Variants in UBE2E2 observed in about 807,000 individuals in gnomAD.
UBE2E2 encodes the protein ubiquitin-conjugating enzyme E2 E2.
Under a neutral mutation model 24.7 loss-of-function variants are expected in UBE2E2, and 6 were observed. The ratio of observed to expected loss-of-function variants is 0.24; its 90% CI spans 0.13 to 0.48. UBE2E2 has a LOEUF of 0.48. Ranked by LOEUF, UBE2E2 falls within the 20% of genes least tolerant of loss-of-function variation. The probability of loss-of-function intolerance (pLI) is 0.99; values close to 1 mark genes in which losing one functional copy is unlikely to be tolerated. For missense variants in UBE2E2, 169 were observed against 245.0 expected (o/e 0.69, Z 2.07); for synonymous variants, 104 against 83.6 (o/e 1.24, Z -1.33).
At chr3:23,559,703 G>C (rs1181732267) in intron 5 of UBE2E2, among the ~76,000 whole-genome samples, 3 of 152,064 alleles carry the variant, frequency 2.0e-5, no homozygotes, top group Admixed American at 1.3e-4. Context: ...TTTTAAGTCT[G>C]GTTAAAATAT....
At chr3:23,241,947 T>A (rs1697270449) in intron 3 of UBE2E2, among the ~76,000 whole-genome samples, 1 of 152,226 alleles carries the variant, frequency 6.6e-6, no homozygotes, top group Admixed American at 6.5e-5. Flanking sequence ...GGTCTTACTT[T>A]CACCCAGGCT....
chr3:23,511,089 A>C (rs193236950), intron 4 of UBE2E2, among the ~76,000 whole-genome samples: 1 of 152,368 alleles, frequency 6.6e-6, no homozygotes, highest in Non-Finnish European at 1.5e-5. Flanking sequence ...TAGAATTTAC[A>C]TTCAAGGTAT....
chr3:23,362,679 T>C (rs1175119258), intron 3 of UBE2E2, among the ~76,000 whole-genome samples: 1 of 152,010 alleles, frequency 6.6e-6, no homozygotes, highest in African/African-American at 2.4e-5. Flanking sequence ...AGTTTCTGGC[T>C]CAGTAGTCCA....
At chr3:23,320,403 ACATAC>A (rs1306945104) in intron 3 of UBE2E2, among the ~76,000 whole-genome samples, 2 of 152,184 alleles carry the variant, frequency 1.3e-5, no homozygotes, top group East Asian at 3.8e-4. Flanking sequence ...GATATAATTC[ACATAC>A]CATACACTTC....
At chr3:23,426,550 C>A (rs1319305535) in intron 3 of UBE2E2, among the ~76,000 whole-genome samples, 1 of 152,064 alleles carries the variant, frequency 6.6e-6, no homozygotes, top group African/African-American at 2.4e-5. Context: ...CCAACATTTC[C>A]TCAGAAACCA....
intron 3 of UBE2E2, among the ~76,000 whole-genome samples, chr3:23,320,696 G>A (rs540044325): frequency 2.0e-5 from 3 of 152,272 alleles, no homozygotes; most frequent in Non-Finnish European, 2.9e-5. Context: ...ATTGTTCCTC[G>A]GAAGCTGCGA....
At chr3:23,406,158 G>T (rs1215526469) in intron 3 of UBE2E2, among the ~76,000 whole-genome samples, 2 of 152,252 alleles carry the variant, frequency 1.3e-5, no homozygotes, top group African/African-American at 4.8e-5. Flanking sequence ...AAAAGACAGT[G>T]TTAGACAATA....
chr3:23,567,059 A>T (rs1268965955), intron 5 of UBE2E2, among the ~76,000 whole-genome samples: 1 of 152,194 alleles, frequency 6.6e-6, no homozygotes, highest in Non-Finnish European at 1.5e-5. Flanking sequence ...AAAAAGATGC[A>T]TTCTAGGATC....
chr3:23,485,388 C>T (rs571814285), intron 3 of UBE2E2, among the ~76,000 whole-genome samples: 7 of 152,292 alleles, frequency 4.6e-5, no homozygotes, highest in South Asian at 2.1e-4. Context: ...TGAGCCTCCA[C>T]GCCTGGCCTC....
chr3:23,456,529 A>G (rs1352550113), intron 3 of UBE2E2, among the ~76,000 whole-genome samples: 2 of 152,238 alleles, frequency 1.3e-5, no homozygotes, highest in Non-Finnish European at 2.9e-5. Context: ...TTGTTGAGTT[A>G]GCAGGTATGA....
chr3:23,316,613 G>T (rs539631338), intron 3 of UBE2E2, among the ~76,000 whole-genome samples: 2 of 151,760 alleles, frequency 1.3e-5, no homozygotes, highest in East Asian at 3.9e-4. Flanking sequence ...CTCTATTGTG[G>T]CCGGGCACAA....
intron 5 of UBE2E2, among the ~76,000 whole-genome samples, chr3:23,574,000 A>G (rs931011923): frequency 3.3e-5 from 5 of 152,242 alleles, no homozygotes; most frequent in Non-Finnish European, 7.3e-5. Context: ...CTGAATAAAA[A>G]AAAATGTGGT....
At chr3:23,456,485 A>G (rs778481) in intron 3 of UBE2E2, among the ~76,000 whole-genome samples, 116,806 of 152,196 alleles carry the variant, frequency 0.77, 46,079 homozygotes, top group East Asian at 0.96. Flanking sequence ...CTTGAAAGTC[A>G]AAATTACTCT....
In UBE2E2 at chr3:23,585,875, A is replaced by AC. The variant is rs569943926; in HGVS notation, c.509-3859_509-3858insC. 1.2e-3 allele frequency among the ~76,000 whole-genome samples: 181 copies of AC among 149,066 alleles called. 1 individual carries two copies. Among genetic ancestry groups the AC allele is most frequent in the African/African-American group, 4.1e-3 (166 of 40,530 alleles). ...ATGGCAGAGTGAAACTGTCTCAACA[A>AC]AAAAAAAAAATTATTTGGTTGATAA... On this transcript the variant is annotated intron_variant, in intron 5 of 5. Transcript: ENST00000396703.
At chr3:23,335,678 G>T (rs150183118) in intron 3 of UBE2E2, among the ~76,000 whole-genome samples, 1 of 152,186 alleles carries the variant, frequency 6.6e-6, no homozygotes, top group Non-Finnish European at 1.5e-5. Flanking sequence ...GGGACTACAG[G>T]CATATGCCAC....
chr3:23,354,574 G>C (rs1021777426), intron 3 of UBE2E2, among the ~76,000 whole-genome samples: 6 of 152,280 alleles, frequency 3.9e-5, no homozygotes, highest in African/African-American at 1.2e-4. Flanking sequence ...CGAAGGACAT[G>C]AACAGACACT....
At chr3:23,266,110 T>G (rs564496351) in intron 3 of UBE2E2, among the ~76,000 whole-genome samples, 3 of 152,350 alleles carry the variant, frequency 2.0e-5, no homozygotes, top group Admixed American at 6.5e-5. Flanking sequence ...AATTTGCCAG[T>G]CTGTGTCTTT....
At chr3:23,448,744 G>A (rs1201058156) in intron 3 of UBE2E2, among the ~76,000 whole-genome samples, 3 of 152,114 alleles carry the variant, frequency 2.0e-5, no homozygotes, top group Non-Finnish European at 2.9e-5. Flanking sequence ...AGACAGAAAA[G>A]TGCAGTTTGT....
intron 5 of UBE2E2, among the ~76,000 whole-genome samples, chr3:23,576,785 C>T (rs1696357146): frequency 6.6e-6 from 1 of 152,090 alleles, no homozygotes; most frequent in Non-Finnish European, 1.5e-5. Flanking sequence ...AGAGTAGGGG[C>T]TCAATAAATA....
Sources: gnomAD v4.1 joint callset for allele counts (sites outside exome capture counted in the v4.1 genomes callset) on GRCh38, gnomAD v4.1.1 for gene constraint, MANE v1.5 for transcripts, NCBI Gene and HGNC (gene_info 2026-07-23, HGNC 2026-07-21) for gene names.